The following RGS6 variants were observed in gnomAD, a reference collection of about 807,000 sequenced individuals.
RGS6 encodes the protein regulator of G protein signaling 6.
Under a neutral mutation model 78.5 loss-of-function variants are expected in RGS6, and 30 were observed. The observed-to-expected ratio is 0.38, with a 90% CI of 0.29 to 0.52. The LOEUF (loss-of-function observed/expected upper bound fraction) is 0.52, where lower values mean the gene tolerates loss of function less well. RGS6 is among the 20% of genes least tolerant of loss of function. The probability of loss-of-function intolerance (pLI) is 0.85; values close to 1 mark genes in which losing one functional copy is unlikely to be tolerated. For synonymous variants in RGS6, 206 were observed against 206.0 expected (o/e 1.00, Z 0.00); for missense variants, 495 against 609.7 (o/e 0.81, Z 1.98).
the RGS6 span, among the ~76,000 whole-genome samples, chr14:71,926,220 A>C: frequency 2.6e-5 from 4 of 152,212 alleles, no homozygotes; most frequent in Non-Finnish European, 2.9e-5. Context: ...AATCTTGAAG[A>C]AAAAAAGCAA....
intron 2 of RGS6, among the ~76,000 whole-genome samples, chr14:72,136,164 C>T (rs964457587): frequency 6.6e-6 from 1 of 152,140 alleles, no homozygotes. Context: ...CTGACACCAC[C>T]TTTCTCTTAA....
chr14:72,425,183 G>A (rs2094383580), intron 3 of RGS6, among the ~76,000 whole-genome samples: 1 of 152,116 alleles, frequency 6.6e-6, no homozygotes, highest in Non-Finnish European at 1.5e-5. Context: ...GTGTCACCCA[G>A]GCTAGAGTGT....
chr14:72,466,320 T>C (rs1337356997), intron 7 of RGS6, among the ~76,000 whole-genome samples: 1 of 152,226 alleles, frequency 6.6e-6, no homozygotes, highest in East Asian at 1.9e-4. Context: ...AGAAAATAGC[T>C]TGGCAGTTTC....
At chr14:72,245,150 T>C (rs568657258) in intron 2 of RGS6, among the ~76,000 whole-genome samples, 40 of 152,348 alleles carry the variant, frequency 2.6e-4, no homozygotes, top group Admixed American at 1.8e-3. Flanking sequence ...GGGGCCCCTA[T>C]AACAAAAGAC....
the RGS6 span, chr14:72,629,514 G>A: frequency 8.5e-6 from 9 of 1,055,686 alleles, no homozygotes; most frequent in Admixed American, 1.8e-4. Flanking sequence ...CAAGTGCCAG[G>A]GTAACAGGCC....
At chr14:72,602,295 G>C in the RGS6 span, among the ~76,000 whole-genome samples, 1 of 152,178 alleles carries the variant, frequency 6.6e-6, no homozygotes, top group African/African-American at 2.4e-5. Flanking sequence ...TGCCATATCA[G>C]TGATTACATG....
intron 2 of RGS6, among the ~76,000 whole-genome samples, chr14:71,986,316 T>C (rs1389111797): frequency 6.6e-6 from 1 of 152,218 alleles, no homozygotes; most frequent in Admixed American, 6.5e-5. Context: ...GGCTAACTTA[T>C]TAGAAACTAT....
At chr14:72,341,170 G>T (rs1008734531) in intron 2 of RGS6, among the ~76,000 whole-genome samples, 13 of 138,300 alleles carry the variant, frequency 9.4e-5, no homozygotes, top group East Asian at 6.1e-4. Flanking sequence ...AAGCATGGCT[G>T]GGGAGGCCTC....
At chr14:72,192,613 C>T (rs2097341015) in intron 2 of RGS6, among the ~76,000 whole-genome samples, 2 of 152,228 alleles carry the variant, frequency 1.3e-5, no homozygotes, top group Admixed American at 1.3e-4. Context: ...GACCTCCCCT[C>T]CTGCTCCTCC....
chr14:72,051,998 G>T (rs1178298028), intron 2 of RGS6, among the ~76,000 whole-genome samples: 1 of 152,114 alleles, frequency 6.6e-6, no homozygotes, highest in Non-Finnish European at 1.5e-5. Context: ...TAAGATTGAG[G>T]CCAAAAGGAG....
Position 72,523,323 on chromosome 14 carries a change from T to C in RGS6, c.1278+4786T>C, listed in dbSNP as rs570941087. 2.6e-5 allele frequency among the ~76,000 whole-genome samples: 4 copies of C among 152,292 alleles called. No homozygotes were observed. In the East Asian group the frequency reaches 7.7e-4, roughly 29 times the overall value. On this transcript the variant is annotated intron_variant, in intron 15 of 17. Coordinates refer to ENST00000553525, the MANE Select transcript of RGS6 (RefSeq NM_001204424.2). ...TCTAGAATTATCCATTTAAGTTCTT[T>C]AAACTTTCTCTTCTCGGTTTGCCTC...
At chr14:72,604,417 C>T in the RGS6 span, among the ~76,000 whole-genome samples, 2 of 152,234 alleles carry the variant, frequency 1.3e-5, no homozygotes, top group South Asian at 4.1e-4. Context: ...TACAGATGAT[C>T]TCCCTTCCTG....
chr14:72,161,304 C>T (rs1435280734), intron 2 of RGS6, among the ~76,000 whole-genome samples: 2 of 152,098 alleles, frequency 1.3e-5, no homozygotes, highest in African/African-American at 2.4e-5. Context: ...TTGATGGGTG[C>T]ACCAAACCAC....
intron 2 of RGS6, among the ~76,000 whole-genome samples, chr14:72,337,538 C>T (rs1810535303): frequency 6.6e-6 from 1 of 152,042 alleles, no homozygotes; most frequent in Admixed American, 6.5e-5. Flanking sequence ...AGCAACATCC[C>T]CATCCAAACA....
chr14:72,562,866 T>A lies in RGS6; in HGVS notation c.*399T>A. 2 of 990,114 alleles carry A rather than the reference T, an allele frequency of 2.0e-6. No homozygotes were observed. The highest frequency in any genetic ancestry group is 3.1e-6 in the Non-Finnish European group (2 of 649,858). The allele number at this position is 990,114 out of a possible 1,614,324, so 61.3% of individuals were successfully genotyped here. Reference sequence around the variant, plus strand: ...GGAGACGGTCACACCTTCTGGCAAATTCAAGAGGCATGAGTGGACCGAGAG... The same window carrying A: ...GGAGACGGTCACACCTTCTGGCAAAATCAAGAGGCATGAGTGGACCGAGAG... On this transcript the variant is annotated 3_prime_UTR_variant, in exon 18 of 18. Coordinates refer to ENST00000553525, the MANE Select transcript of RGS6 (RefSeq NM_001204424.2).
intron 3 of RGS6, among the ~76,000 whole-genome samples, chr14:72,401,080 C>A (rs1325360618): frequency 1.3e-5 from 2 of 152,176 alleles, no homozygotes; most frequent in East Asian, 3.9e-4. Flanking sequence ...TATAATTCTT[C>A]ATTTTTTTTT....
intron 2 of RGS6, among the ~76,000 whole-genome samples, chr14:72,179,366 C>T (rs888337027): frequency 1.1e-4 from 16 of 152,254 alleles, no homozygotes; most frequent in African/African-American, 1.2e-4. Context: ...AATTTCTAGC[C>T]GGTCTCCCTG....
intron 2 of RGS6, among the ~76,000 whole-genome samples, chr14:72,221,936 G>A (rs1238598423): frequency 6.6e-6 from 1 of 152,140 alleles, no homozygotes; most frequent in Non-Finnish European, 1.5e-5. Context: ...GGAGATGTTT[G>A]GATGTGAAAT....
chr14:72,387,957 T>G (rs904857850), intron 3 of RGS6, among the ~76,000 whole-genome samples: 8 of 152,166 alleles, frequency 5.3e-5, no homozygotes, highest in African/African-American at 1.9e-4. Flanking sequence ...CCAAACTTCC[T>G]CTTCTTGTGG....
Sources: allele counts gnomAD v4.1 joint callset (sites outside exome capture counted in the v4.1 genomes callset), GRCh38; gene constraint gnomAD v4.1.1; transcripts MANE v1.5; gene names NCBI Gene and HGNC (gene_info 2026-07-23, HGNC 2026-07-21).